HSD17B2: variants seen among roughly 807,000 people sequenced by gnomAD.
The protein encoded by HSD17B2 is hydroxysteroid 17-beta dehydrogenase 2, also known as 17-beta-hydroxysteroid dehydrogenase type 2.
In HSD17B2, 32 loss-of-function variants were observed where a neutral mutation model predicts 26.9. That is an observed-to-expected ratio of 1.19 (90% CI 0.90 to 1.60). The LOEUF (loss-of-function observed/expected upper bound fraction) is 1.60, where lower values mean the gene tolerates loss of function less well. HSD17B2 is among the 40% of genes most tolerant of loss of function. The pLI, the probability that HSD17B2 is intolerant of heterozygous loss-of-function variation, is 0.00. For missense variants in HSD17B2, 613 were observed against 468.6 expected (o/e 1.31, Z -2.85); for synonymous variants, 246 against 186.7 (o/e 1.32, Z -2.59).
intron 1 of HSD17B2, among the ~76,000 whole-genome samples, chr16:82,064,350 T>C (rs2143969349): frequency 6.6e-6 from 1 of 152,382 alleles, no homozygotes; most frequent in East Asian, 1.9e-4. Context: ...TTCATTCCTT[T>C]CTATGGCTTA....
At chr16:82,088,685 G>A (rs761686543) in intron 3 of HSD17B2, among the ~76,000 whole-genome samples, 1 of 152,212 alleles carries the variant, frequency 6.6e-6, no homozygotes, top group South Asian at 2.1e-4. Flanking sequence ...ATAGAAAGGA[G>A]TTGGATTTCA....
At chr16:82,089,952 A>ACTTC (rs1170827477) in intron 3 of HSD17B2, among the ~76,000 whole-genome samples, 1 of 152,054 alleles carries the variant, frequency 6.6e-6, no homozygotes, top group African/African-American at 2.4e-5. Context: ...GCCTTCCATT[A>ACTTC]CTTCCTTATA....
intron 1 of HSD17B2, among the ~76,000 whole-genome samples, chr16:82,053,943 T>C (rs1292773123): frequency 6.6e-6 from 1 of 152,204 alleles, no homozygotes; most frequent in African/African-American, 2.4e-5. Flanking sequence ...TTCCTGATAA[T>C]CAAAGTGATT....
chr16:82,097,827 A>G (rs1228524974), intron 4 of HSD17B2: 5 of 283,098 alleles, frequency 1.8e-5, no homozygotes, highest in Non-Finnish European at 3.2e-5. Context: ...AATCCCAGCT[A>G]CTCGGGAGGC....
At chr16:82,036,136 G>A (rs1476221924) in intron 1 of HSD17B2, among the ~76,000 whole-genome samples, 1 of 152,118 alleles carries the variant, frequency 6.6e-6, no homozygotes, top group East Asian at 1.9e-4. Flanking sequence ...TTGCTGTTTT[G>A]AAATATTGAA....
intron 3 of HSD17B2, among the ~76,000 whole-genome samples, chr16:82,081,612 C>T (rs1033534038): frequency 1.3e-5 from 2 of 152,118 alleles, no homozygotes; most frequent in Non-Finnish European, 1.5e-5. Context: ...GAAATATGAC[C>T]ACATAGGAGC....
At chr16:82,039,715 T>C (rs565686287) in intron 1 of HSD17B2, among the ~76,000 whole-genome samples, 72 of 152,302 alleles carry the variant, frequency 4.7e-4, no homozygotes, top group African/African-American at 1.7e-3. Flanking sequence ...CAGGTAACTT[T>C]AAGTTTCTAT....
intron 4 of HSD17B2, chr16:82,095,328 G>T (rs189091501): frequency 9.2e-5 from 14 of 152,328 alleles, no homozygotes; most frequent in African/African-American, 3.4e-4. Flanking sequence ...TTGAAACTCC[G>T]TTTGCATTTC....
chr16:82,043,196 CAT>C (rs1228437852), intron 1 of HSD17B2, among the ~76,000 whole-genome samples: 1 of 152,164 alleles, frequency 6.6e-6, no homozygotes, highest in Non-Finnish European at 1.5e-5. Flanking sequence ...TAGTGGAGCA[CAT>C]AGAGCTTTGA....
chr16:82,043,975 T>C (rs138259026), intron 1 of HSD17B2, among the ~76,000 whole-genome samples: 1,891 of 152,354 alleles, frequency 0.012, 18 homozygotes, highest in Non-Finnish European at 0.019. Context: ...TTTTGCATGA[T>C]TGCCCTTGAA....
At chr16:82,053,826 A>G (rs1022131794) in intron 1 of HSD17B2, among the ~76,000 whole-genome samples, 1 of 152,246 alleles carries the variant, frequency 6.6e-6, no homozygotes, top group South Asian at 2.1e-4. Flanking sequence ...CATGGATGGT[A>G]CTGGACTGGT....
At chr16:82,051,537 A>G (rs887195429) in intron 1 of HSD17B2, among the ~76,000 whole-genome samples, 2 of 151,454 alleles carry the variant, frequency 1.3e-5, no homozygotes, top group African/African-American at 4.9e-5. Flanking sequence ...GGACACAGAG[A>G]GAGTAACAGC....
intron 1 of HSD17B2, among the ~76,000 whole-genome samples, chr16:82,058,447 A>T (rs1301230088): frequency 6.6e-6 from 1 of 152,106 alleles, no homozygotes; most frequent in Non-Finnish European, 1.5e-5. Flanking sequence ...TTTTTTTGTA[A>T]ATCTAAATTT....
chr16:82,037,312 T>C lies in HSD17B2; in HGVS notation c.265+1623T>C, dbSNP rs150285141. Among the ~76,000 whole-genome samples the C allele has an allele frequency of 9.8e-4, 149 of 152,390 alleles. 1 individual carries two copies. Among genetic ancestry groups the C allele is most frequent in the African/African-American group, 3.6e-3 (148 of 41,596 alleles). On this transcript the variant is annotated intron_variant, in intron 1 of 4. Coordinates refer to ENST00000199936, the MANE Select transcript of HSD17B2 (RefSeq NM_002153.3). ...TTTTATGAGGAATGCTATGTGCTCA[T>C]ATCATCCTAGACAAGGCCTCAAGAC...
chr16:82,086,159 C>A (rs935123891), intron 3 of HSD17B2, among the ~76,000 whole-genome samples: 1 of 152,146 alleles, frequency 6.6e-6, no homozygotes, highest in Non-Finnish European at 1.5e-5. Context: ...GGTGTTCAAA[C>A]AAAAACTCAC....
chr16:82,086,751 T>G (rs774799874), intron 3 of HSD17B2, among the ~76,000 whole-genome samples: 8 of 152,228 alleles, frequency 5.3e-5, no homozygotes, highest in Non-Finnish European at 1.2e-4. Context: ...CTGCTCAGAC[T>G]GTCACAATAA....
chr16:82,058,429 C>G (rs1914337690), intron 1 of HSD17B2, among the ~76,000 whole-genome samples: 1 of 152,236 alleles, frequency 6.6e-6, no homozygotes, highest in East Asian at 1.9e-4. Context: ...TCGGTACTAG[C>G]TTTCTGATTT....
chr16:82,097,139 C>G (rs563347743), intron 4 of HSD17B2: 1 of 151,674 alleles, frequency 6.6e-6, no homozygotes, highest in Non-Finnish European at 1.5e-5. Context: ...AGGGGTCCTC[C>G]CACTTCAGTC....
At chr16:82,051,782 C>T (rs546323585) in intron 1 of HSD17B2, among the ~76,000 whole-genome samples, 1 of 152,336 alleles carries the variant, frequency 6.6e-6, no homozygotes, top group Non-Finnish European at 1.5e-5. Flanking sequence ...TTAGTTGCAG[C>T]TTCTCAGCTC....
Sources: gnomAD v4.1 joint callset for allele counts (sites outside exome capture counted in the v4.1 genomes callset) on GRCh38, gnomAD v4.1.1 for gene constraint, MANE v1.5 for transcripts, NCBI Gene and HGNC (gene_info 2026-07-23, HGNC 2026-07-21) for gene names.